Variants in TOX observed in about 807,000 individuals in gnomAD.
TOX encodes the protein thymocyte selection-associated high mobility group box protein TOX.
In TOX, 11 loss-of-function variants were observed where a neutral mutation model predicts 53.7. That is an observed-to-expected ratio of 0.20 (90% CI 0.13 to 0.34). The LOEUF (loss-of-function observed/expected upper bound fraction) is 0.34, where lower values mean the gene tolerates loss of function less well. Ranked by LOEUF, TOX falls within the 10% of genes least tolerant of loss-of-function variation. The pLI is 1.00. For synonymous variants in TOX, 225 were observed against 245.3 expected (o/e 0.92, Z 0.77); for missense variants, 570 against 664.6 (o/e 0.86, Z 1.56).
At chr8:58,813,698 C>T (rs1173282207) in intron 7 of TOX, among the ~76,000 whole-genome samples, 1 of 152,182 alleles carries the variant, frequency 6.6e-6, no homozygotes, top group African/African-American at 2.4e-5. Context: ...CAACAACTGT[C>T]TGTTGGATGC....
intron 1 of TOX, among the ~76,000 whole-genome samples, chr8:59,093,242 T>C (rs947746764): frequency 3.9e-5 from 6 of 152,350 alleles, no homozygotes; most frequent in African/African-American, 1.4e-4. Context: ...GTGAGTTCTT[T>C]GTTATGCCCA....
intron 1 of TOX, among the ~76,000 whole-genome samples, chr8:59,070,357 A>T (rs1804173220): frequency 6.6e-6 from 1 of 152,186 alleles, no homozygotes; most frequent in Non-Finnish European, 1.5e-5. Context: ...CAATCCATAT[A>T]ACTGATACCT....
intron 7 of TOX, among the ~76,000 whole-genome samples, chr8:58,810,100 C>T (rs537739150): frequency 2.0e-4 from 31 of 152,178 alleles, no homozygotes; most frequent in African/African-American, 7.5e-4. Flanking sequence ...ACCCTTATGC[C>T]TTGGCCTTCC....
chr8:58,956,703 G>A (rs888861582), intron 2 of TOX, among the ~76,000 whole-genome samples: 5 of 152,176 alleles, frequency 3.3e-5, no homozygotes, highest in Admixed American at 2.6e-4. Context: ...GTGGGTTCAA[G>A]CGATTCTCCT....
At chr8:58,817,106 A>C (rs1043629001) in intron 6 of TOX, among the ~76,000 whole-genome samples, 1 of 152,124 alleles carries the variant, frequency 6.6e-6, no homozygotes, top group African/African-American at 2.4e-5. Context: ...AGTATGCCAA[A>C]CCATGGAAAC....
intron 2 of TOX, among the ~76,000 whole-genome samples, chr8:58,958,622 G>A (rs1812749386): frequency 6.6e-6 from 1 of 152,150 alleles, no homozygotes; most frequent in South Asian, 2.1e-4. Context: ...GGATCTTGGA[G>A]GCTACTTAGC....
chr8:58,872,521 G>A lies in TOX; in HGVS notation c.412-20716C>T, dbSNP rs575860006. ...ACCTGACAAATACCACCTCAAGCAG[G>A]TGATCAAGGTCAACATCAACAGTGA... is the stretch of plus-strand genomic sequence containing the variant. On this transcript the variant is annotated intron_variant, in intron 3 of 8. Transcript: ENST00000361421. Among the ~76,000 whole-genome samples the A allele has an allele frequency of 3.1e-3, 479 of 152,204 alleles. 1 individual carries two copies. Among genetic ancestry groups the A allele is most frequent in the African/African-American group, 0.011 (451 of 41,560 alleles).
chr8:58,939,148 C>T (rs986706591), intron 3 of TOX, among the ~76,000 whole-genome samples, 154 bp downstream of exon 3: 1 of 152,208 alleles, frequency 6.6e-6, no homozygotes, highest in African/African-American at 2.4e-5. Flanking sequence ...TAGAACATTG[C>T]TTTAGAAATG....
intron 1 of TOX, among the ~76,000 whole-genome samples, chr8:59,082,934 C>A (rs371651787): frequency 6.6e-6 from 1 of 152,206 alleles, no homozygotes; most frequent in Non-Finnish European, 1.5e-5. Context: ...CCTACCCCAA[C>A]CCCTTCATCG....
At chr8:58,982,211 T>C (rs1317952629) in intron 1 of TOX, among the ~76,000 whole-genome samples, 1 of 152,162 alleles carries the variant, frequency 6.6e-6, no homozygotes, top group Non-Finnish European at 1.5e-5. Context: ...CCCTTCCCAC[T>C]TGGATCTCTC....
In TOX at chr8:58,902,480, C is replaced by A. The variant is rs150036343; in HGVS notation, c.411+36822G>T. Among the ~76,000 whole-genome samples, 248 of 152,262 alleles carry A rather than the reference C, an allele frequency of 1.6e-3. 2 individuals are homozygous for A. Among genetic ancestry groups the A allele is most frequent in the African/African-American group, 5.7e-3 (237 of 41,544 alleles). On this transcript the variant is annotated intron_variant, in intron 3 of 8. Coordinates refer to ENST00000361421, the MANE Select transcript of TOX (RefSeq NM_014729.3). ...GGAAATTGAGTGCTGGCAAGGGAAG[C>A]ACCTCATTTGAGACTCAAATCCAGG...
At chr8:59,109,510 T>C (rs1804975269) in intron 1 of TOX, among the ~76,000 whole-genome samples, 1 of 152,092 alleles carries the variant, frequency 6.6e-6, no homozygotes, top group Non-Finnish European at 1.5e-5. Flanking sequence ...CTATGTTGAT[T>C]AGTGGGACAA....
At chr8:58,903,126 T>G (rs957477490) in intron 3 of TOX, among the ~76,000 whole-genome samples, 4 of 152,232 alleles carry the variant, frequency 2.6e-5, no homozygotes, top group Non-Finnish European at 5.9e-5. Context: ...TTTGGTCTAT[T>G]TCAAGCACTG....
chr8:58,828,279 C>T (rs1270822197), intron 5 of TOX, among the ~76,000 whole-genome samples: 1 of 152,114 alleles, frequency 6.6e-6, no homozygotes, highest in Non-Finnish European at 1.5e-5. Flanking sequence ...ACCTTGTCAA[C>T]AGAATTATAA....
intron 4 of TOX, among the ~76,000 whole-genome samples, chr8:58,842,669 A>ACAGT (rs769583643): frequency 2.6e-4 from 40 of 152,262 alleles, no homozygotes; most frequent in Non-Finnish European, 5.0e-4. Context: ...AGGTAGGAGG[A>ACAGT]CAGTCATCCT....
intron 4 of TOX, among the ~76,000 whole-genome samples, chr8:58,841,132 T>A (rs575397455): frequency 5.3e-5 from 8 of 152,322 alleles, no homozygotes; most frequent in Non-Finnish European, 8.8e-5. Context: ...TTCCCTTGAG[T>A]TTTGCACACA....
chr8:59,064,885 C>G (rs1336947689), intron 1 of TOX, among the ~76,000 whole-genome samples: 2 of 152,102 alleles, frequency 1.3e-5, no homozygotes, highest in Admixed American at 6.6e-5. Flanking sequence ...AAGAACCATT[C>G]TAATGTTAAT....
At chr8:59,004,777 A>G (rs1813756050) in intron 1 of TOX, among the ~76,000 whole-genome samples, 2 of 152,208 alleles carry the variant, frequency 1.3e-5, no homozygotes. Context: ...AGACATCTAC[A>G]CTAAACAACA....
rs1563443623 is a variant in TOX, at chr8:59,092,251, C to CATATATATACATTAT, written c.102+26634_102+26635insATAATGTATATATAT. ...TGGGCGAAAGAGCAAGACTCCATCT[C>CATATATATACATTAT]ATATATATATATTTTATATATATAT... On this transcript the variant is annotated intron_variant, in intron 1 of 8. Coordinates refer to ENST00000361421, the MANE Select transcript of TOX (RefSeq NM_014729.3). Among the ~76,000 whole-genome samples, 136 of 59,266 alleles carry CATATATATACATTAT rather than the reference C, an allele frequency of 2.3e-3. 17 individuals are homozygous for CATATATATACATTAT. The highest frequency in any genetic ancestry group is 0.014 in the African/African-American group (109 of 7,720). The allele number at this position is 59,266 out of a possible 152,430, so 38.9% of individuals were successfully genotyped here.
Sources: gnomAD v4.1 joint callset for allele counts (sites outside exome capture counted in the v4.1 genomes callset) on GRCh38, gnomAD v4.1.1 for gene constraint, MANE v1.5 for transcripts, NCBI Gene and HGNC (gene_info 2026-07-23, HGNC 2026-07-21) for gene names.